The following DYNC2H1 variants were observed in gnomAD, a reference collection of about 807,000 sequenced individuals.
The protein encoded by DYNC2H1 is cytoplasmic dynein 2 heavy chain 1.
A neutral mutation model predicts 570.0 loss-of-function variants in DYNC2H1; 410 were observed. That is an observed-to-expected ratio of 0.72 (90% CI 0.66 to 0.78). The LOEUF is 0.78. Among genes scored for constraint, DYNC2H1 ranks in the 30% least tolerant of loss-of-function variants. The pLI is 0.00. For synonymous variants in DYNC2H1, 1,688 were observed against 1,677.6 expected, an observed-to-expected ratio of 1.01 and a Z score of -0.15; for missense variants, 4,865 against 5,046.4, an observed-to-expected ratio of 0.96 and a Z score of 1.09.
chr11:103,215,723 T>G lies in DYNC2H1; in HGVS notation c.8697T>G (p.Ala2899=), dbSNP rs371783480. 6 of 1,603,788 alleles carry G rather than the reference T, an allele frequency of 3.7e-6. No homozygotes were observed. Among genetic ancestry groups the G allele is most frequent in the Non-Finnish European group, 4.3e-6 (5 of 1,174,986 alleles). The change falls in exon 55 of 89, where the codon GCT becomes GCG. Residue 2899 remains alanine (A), a splice_region_variant and synonymous_variant. Coordinates refer to ENST00000375735, the MANE Select transcript of DYNC2H1 (RefSeq NM_001377.3). ...ELLKRQSHLQ[A]GVSKLNEAKA... ...CGATCAATATTTTATTGATGTAGGC[T>G]GGTGTATCTAAACTAAATGAAGCTA...
intron 17 of DYNC2H1, among the ~76,000 whole-genome samples, chr11:103,142,179 G>A (rs866091695): frequency 6.0e-4 from 91 of 152,352 alleles, no homozygotes; most frequent in Middle Eastern, 3.4e-3. Flanking sequence ...GCAATGCCTC[G>A]CCCTGCTTCG....
chr11:103,365,722 C>T (rs1162695988), intron 83 of DYNC2H1, among the ~76,000 whole-genome samples: 1 of 152,178 alleles, frequency 6.6e-6, no homozygotes, highest in Non-Finnish European at 1.5e-5. Context: ...CTTTCCCCTT[C>T]AAAAGGTTTG....
At chr11:103,194,219 G>T (rs965625484) in intron 47 of DYNC2H1, among the ~76,000 whole-genome samples, 2 of 152,076 alleles carry the variant, frequency 1.3e-5, no homozygotes, top group Non-Finnish European at 2.9e-5. Context: ...CTGTTTCTCT[G>T]GAGATACATG....
rs568647862 is a variant in DYNC2H1 at position 103,305,994 on chromosome 11, C to T, written c.11382+1274C>T. ...TGGCACAAGTTTGGCTCACTGCAAC[C>T]TCCACCTCCCAAGTTCAAATGATTC... On this transcript the variant is annotated intron_variant, in intron 77 of 88. Transcript: ENST00000375735. The surrounding 1 kb of genome is among the most constrained non-coding windows in gnomAD (Gnocchi z 4.3). Among the ~76,000 whole-genome samples the T allele has an allele frequency of 6.6e-6, 1 of 152,172 alleles. No homozygotes were observed. Among genetic ancestry groups the T allele is most frequent in the African/African-American group, 2.4e-5 (1 of 41,444 alleles).
chr11:103,155,483 C>A lies in DYNC2H1; in HGVS notation c.3726C>A (p.Ala1242=). 1.9e-6 allele frequency: 3 copies of A among 1,608,256 alleles called. No individual in the cohort carries two copies. Among genetic ancestry groups the A allele is most frequent in the Non-Finnish European group, 2.5e-6 (3 of 1,177,624 alleles). The part of the protein sequence containing the change: ...DLLRVADTIV[A]KAADLKDLNS... ...TCAGAGTAGCTGATACAATTGTAGCCAAAGCTGCCGACCTTAAAGTATGAA... is the reference window on the plus strand; with the variant it reads ...TCAGAGTAGCTGATACAATTGTAGCAAAAGCTGCCGACCTTAAAGTATGAA... The change falls in exon 25 of 89, where the codon GCC becomes GCA. Residue 1242 remains alanine (A), a synonymous_variant. Coordinates refer to ENST00000375735, the MANE Select transcript of DYNC2H1 (RefSeq NM_001377.3).
At chr11:103,455,121 A>T in intron 85 of DYNC2H1, 65 bp from the exon 86 acceptor site, 1 of 1,164,576 alleles carries the variant, frequency 8.6e-7, no homozygotes, top group Non-Finnish European at 1.2e-6. Context: ...ATTGAAAATG[A>T]CTTAAGTCTT....
At chr11:103,267,385 G>A (rs1475815660) in intron 70 of DYNC2H1, among the ~76,000 whole-genome samples, 10 of 149,726 alleles carry the variant, frequency 6.7e-5, no homozygotes, top group South Asian at 6.4e-4. Context: ...CTTCCACTCT[G>A]TATATTTTCC....
intron 52 of DYNC2H1, among the ~76,000 whole-genome samples, chr11:103,207,348 TATC>T (rs754493710): frequency 2.4e-4 from 37 of 151,054 alleles, no homozygotes; most frequent in Non-Finnish European, 5.4e-4. Context: ...GCTAGAATAA[TATC>T]ATTGAGTAAG....
chr11:103,290,896 C>T (rs559278118), intron 75 of DYNC2H1, among the ~76,000 whole-genome samples: 18 of 152,132 alleles, frequency 1.2e-4, no homozygotes, highest in Non-Finnish European at 1.6e-4. Flanking sequence ...CCCAACTTCA[C>T]CATCAAAAAT....
chr11:103,171,102 A>G, intron 34 of DYNC2H1, 34 bp downstream of exon 34: 1 of 1,507,294 alleles, frequency 6.6e-7, no homozygotes, highest in Non-Finnish European at 9.0e-7. Context: ...AAGAATTAAA[A>G]TATTTTGTAA....
intron 17 of DYNC2H1, among the ~76,000 whole-genome samples, chr11:103,136,213 T>G (rs1221182125): frequency 6.6e-6 from 1 of 150,928 alleles, no homozygotes; most frequent in Non-Finnish European, 1.5e-5. Flanking sequence ...TTTTTATTTT[T>G]TATTTTTTAT....
rs2450918 is a variant in DYNC2H1, at chr11:103,134,200, C to G, written c.2107-121C>G. The G allele has an allele frequency of 0.83, 654,427 of 788,876 alleles. 274,761 individuals carry two copies. The highest frequency in any genetic ancestry group is 0.87 in the Admixed American group (38,867 of 44,752). 48.9% of individuals were successfully genotyped at this position (788,876 alleles called of 1,614,324 possible). ...GTACATTGGTCAAGTATTGATATGTCTTGTATAGATTAAGTTAAACTTGAT... is the reference window on the plus strand; with the variant it reads ...GTACATTGGTCAAGTATTGATATGTGTTGTATAGATTAAGTTAAACTTGAT... On this transcript the variant is annotated intron_variant, in intron 14 of 88. Coordinates refer to ENST00000375735, the MANE Select transcript of DYNC2H1 (RefSeq NM_001377.3).
intron 31 of DYNC2H1, 127 bp from the exon 32 acceptor site, chr11:103,168,628 A>G (rs2134958067): frequency 2.1e-6 from 2 of 970,018 alleles, no homozygotes; most frequent in East Asian, 2.7e-5. Flanking sequence ...GTATTACTAT[A>G]CCATTCATAT....
chr11:103,156,373 T>G lies in DYNC2H1; in HGVS notation c.3745-15T>G. The G allele has an allele frequency of 6.3e-7, 1 of 1,600,000 alleles. No homozygotes were observed. Among genetic ancestry groups the G allele is most frequent in the Non-Finnish European group, 8.5e-7 (1 of 1,175,774 alleles). On this transcript the variant is annotated splice_polypyrimidine_tract_variant and intron_variant, in intron 25 of 88. Transcript: ENST00000375735. ...AATGTTGAAGTAATAAACATGGATA[T>G]TTTGTGTTAAATAGGATTTAAATAG...
Position 103,253,276 on chromosome 11 carries a change from T to C in DYNC2H1, c.10043-9T>C, listed in dbSNP as rs374033001. On this transcript the variant is annotated splice_polypyrimidine_tract_variant and intron_variant, in intron 65 of 88. Coordinates refer to ENST00000375735, the MANE Select transcript of DYNC2H1 (RefSeq NM_001377.3). ...TCAGACCAACCAATTGTGTGTTTTT[T>C]TTAAATAGGACCACGTTATGTGGTA... 2.9e-5 allele frequency: 46 copies of C among 1,596,922 alleles called. No individual in the cohort carries two copies. Among genetic ancestry groups the C allele is most frequent in the Non-Finnish European group, 3.8e-5 (45 of 1,171,350 alleles).
At chr11:103,147,976 C>A (rs1860330443) in intron 19 of DYNC2H1, 89 bp downstream of exon 19, 3 of 917,510 alleles carry the variant, frequency 3.3e-6, no homozygotes, top group Non-Finnish European at 3.2e-6. Context: ...TTTCAATGAT[C>A]ATTAAAAACC....
rs952346809 is a variant in DYNC2H1 at position 103,144,991 on chromosome 11, C to T, written c.2702+1596C>T. ...CACCTCTTGGGTTTAAGTGATTCCC[C>T]TGCCTCAGCCTCCTGAGTAGCTGGG... On this transcript the variant is annotated intron_variant, in intron 18 of 88. Transcript: ENST00000375735. 1.1e-4 allele frequency among the ~76,000 whole-genome samples: 16 copies of T among 152,166 alleles called. No individual in the cohort carries two copies. In the East Asian group the frequency reaches 2.9e-3, roughly 28 times the overall value.
intron 70 of DYNC2H1, among the ~76,000 whole-genome samples, chr11:103,272,197 G>A (rs1365359363): frequency 1.3e-5 from 2 of 152,176 alleles, no homozygotes; most frequent in Non-Finnish European, 2.9e-5. Flanking sequence ...TGATAGACTG[G>A]ATTAAGCAAA....
intron 83 of DYNC2H1, among the ~76,000 whole-genome samples, chr11:103,386,445 A>ATACAC (rs1941875738): frequency 7.1e-6 from 1 of 141,580 alleles, no homozygotes; most frequent in African/African-American, 2.7e-5. Flanking sequence ...ATACTTTAAA[A>ATACAC]CACACCACAC....
Sources: gnomAD v4.1 joint callset for allele counts (sites outside exome capture counted in the v4.1 genomes callset) on GRCh38, gnomAD v4.1.1 for gene constraint, Gnocchi (gnomAD v3.1) non-coding constraint, MANE v1.5 for transcripts, NCBI Gene and HGNC (gene_info 2026-07-23, HGNC 2026-07-21) for gene names.